FEZ1: variants seen among roughly 807,000 people sequenced by gnomAD.
The protein encoded by FEZ1 is fasciculation and elongation protein zeta 1, also known as fasciculation and elongation protein zeta-1.
Under a neutral mutation model 49.3 loss-of-function variants are expected in FEZ1, and 20 were observed. That is an observed-to-expected ratio of 0.41 (90% confidence interval 0.29 to 0.59). The LOEUF (loss-of-function observed/expected upper bound fraction) is 0.59. Among genes scored for constraint, FEZ1 ranks in the 20% least tolerant of loss-of-function variants. The pLI, the probability that FEZ1 is intolerant of heterozygous loss-of-function variation, is 0.36. For synonymous variants in FEZ1, 170 were observed against 180.9 expected (o/e 0.94, Z 0.48); for missense variants, 413 against 476.0 (o/e 0.87, Z 1.23).
rs1245555741 is a variant in FEZ1, at chr11:125,457,470, A to ATATATG, written c.668-1365_668-1364insCATATA. Among the ~76,000 whole-genome samples, 8 of 20,900 alleles carry ATATATG rather than the reference A, an allele frequency of 3.8e-4. No homozygotes were observed. The East Asian group carries it at 8.2e-3, about 21-fold the overall frequency. The allele number at this position is 20,900 out of a possible 152,430, so 13.7% of individuals were successfully genotyped here. A position where few individuals can be genotyped will look rare whatever the true frequency, so the allele number is the denominator to read the frequency against. ...TATATATGTATATATACACATATAT[A>ATATATG]TGTATATATACACATATATGTGTAT... On this transcript the variant is annotated intron_variant, in intron 5 of 9. Coordinates refer to ENST00000278919, the MANE Select transcript of FEZ1 (RefSeq NM_005103.5).
At chr11:125,493,378 G>GAAAGAGAGA (rs1279562906) in intron 1 of FEZ1, among the ~76,000 whole-genome samples, 1 of 38,834 alleles carries the variant, frequency 2.6e-5, no homozygotes, top group East Asian at 6.4e-4. Flanking sequence ...AAGAAAGAAA[G>GAAAGAGAGA]AAAGAAAGAA....
rs1334401823 is a variant in FEZ1, at chr11:125,467,579, G to C, written c.412-4009C>G. Among the ~76,000 whole-genome samples the C allele has an allele frequency of 4.6e-4, 70 of 152,226 alleles. 1 individual carries two copies. Among genetic ancestry groups the C allele is most frequent in the Admixed American group, 4.6e-3 (70 of 15,280 alleles). On this transcript the variant is annotated intron_variant, in intron 3 of 9. Transcript: ENST00000278919. The stretch of plus-strand genomic sequence containing the variant: ...AAAAGAGGAAGATGTGACTGGGCAT[G>C]GTGTCTCATGCCTGTAATTCCAGCA...
At chr11:125,493,840 G>T (rs191634487) in intron 1 of FEZ1, among the ~76,000 whole-genome samples, 2 of 152,214 alleles carry the variant, frequency 1.3e-5, no homozygotes, top group South Asian at 4.1e-4. Context: ...GGTGACACCA[G>T]TGGGGTTTCT....
In FEZ1 at chr11:125,467,382, C is replaced by T. The variant is rs1050579046; in HGVS notation, c.412-3812G>A. Among the ~76,000 whole-genome samples, 7 of 152,286 alleles carry T rather than the reference C, an allele frequency of 4.6e-5. No homozygotes were observed. The East Asian group carries it at 7.7e-4, about 17-fold the overall frequency. Reference sequence around the variant, plus strand: ...CTTATGAACAACCAGGAAACATCTGCGTGGATTAAGTCAATGGCTGTGCAT... The same window carrying T: ...CTTATGAACAACCAGGAAACATCTGTGTGGATTAAGTCAATGGCTGTGCAT... On this transcript the variant is annotated intron_variant, in intron 3 of 9. Transcript: ENST00000278919.
chr11:125,457,502 A>ATATATACACATATATATGTG (rs1555178545), intron 5 of FEZ1, among the ~76,000 whole-genome samples: 1 of 109,792 alleles, frequency 9.1e-6, no homozygotes, highest in Non-Finnish European at 1.8e-5. Flanking sequence ...GTATATATGT[A>ATATATACACATATATATGTG]TATATATACA....
Position 125,449,441 on chromosome 11 carries a change from A to AAAAAAAAAAAAAAAG in FEZ1, c.1097-875_1097-874insCTTTTTTTTTTTTTT, listed in dbSNP as rs796507357. On this transcript the variant is annotated intron_variant, in intron 8 of 9. Coordinates refer to ENST00000278919, the MANE Select transcript of FEZ1 (RefSeq NM_005103.5). ...ATAAAAAAAAAAAAAAAAAAAAAAA[A>AAAAAAAAAAAAAAAG]AAGAAGAAGAGGAAGAAAAGAAAAA... Among the ~76,000 whole-genome samples the AAAAAAAAAAAAAAAG allele has an allele frequency of 1.4e-4, 18 of 128,238 alleles. 2 individuals carry two copies. Among genetic ancestry groups the AAAAAAAAAAAAAAAG allele is most frequent in the East Asian group, 8.5e-4 (3 of 3,518 alleles). 84.1% of individuals were successfully genotyped at this position (128,238 alleles called of 152,430 possible). A position where few individuals can be genotyped will look rare whatever the true frequency, so the allele number is the denominator to read the frequency against.
intron 3 of FEZ1, among the ~76,000 whole-genome samples, chr11:125,464,424 G>T (rs768220124): frequency 6.6e-6 from 1 of 152,026 alleles, no homozygotes; most frequent in Non-Finnish European, 1.5e-5. Flanking sequence ...TGATTTGAAC[G>T]TCATACAAGG....
At chr11:125,476,831 T>C (rs997970610) in intron 3 of FEZ1, among the ~76,000 whole-genome samples, 113 of 152,352 alleles carry the variant, frequency 7.4e-4, no homozygotes, top group African/African-American at 2.5e-3. Flanking sequence ...TACTCCTTTC[T>C]CAAAAATATG....
rs1239007387 is a variant in FEZ1, at chr11:125,495,608, G to C, written c.-46+513C>G. On this transcript the variant is annotated intron_variant, in intron 1 of 9. Transcript: ENST00000278919. This position sits in a 1 kb window ranked among gnomAD's most constrained non-coding sequence, Gnocchi z 4.2. ...GCACTCTGGGGAGGGGCACGAGCGGGGTCGGGGGTAAGTTTTTAGGGACAA... is the reference window on the plus strand; with the variant it reads ...GCACTCTGGGGAGGGGCACGAGCGGCGTCGGGGGTAAGTTTTTAGGGACAA... 1 of 466,446 alleles carries C rather than the reference G, an allele frequency of 2.1e-6. No individual in the cohort carries two copies. Among genetic ancestry groups the C allele is most frequent in the Admixed American group, 2.4e-5 (1 of 41,796 alleles). The allele number at this position is 466,446 out of a possible 1,614,324, so 28.9% of individuals were successfully genotyped here.
rs750078721 is a variant in FEZ1, at chr11:125,489,471, C to T, written c.307G>A (p.Glu103Lys). 21 of 1,610,196 alleles carry T rather than the reference C, an allele frequency of 1.3e-5. No individual in the cohort carries two copies. Among genetic ancestry groups the T allele is most frequent in the Admixed American group, 3.4e-5 (2 of 59,252 alleles). Residue 103 changes from glutamate (E) to lysine (K), a missense_variant, in exon 2 of 10, where the codon GAG becomes AAG. By Grantham distance (56) the Glu-to-Lys change is moderately conservative. Transcript: ENST00000278919. This position sits in a 1 kb window ranked among gnomAD's most constrained non-coding sequence, Gnocchi z 4.2. ...AGGGCAATTAAGACTTCTTACTCCT[C>T]GTCCTGAAGGGTCTCCTCCTCCTCT... is the stretch of plus-strand genomic sequence containing the variant. ...IQEEEETLQDEEVWDALTDNY... is the reference protein window; with the variant it reads ...IQEEEETLQDKEVWDALTDNY...
At position 125,444,792 on chromosome 11, in the gene FEZ1, C is replaced by T. The variant is rs1440266248; in HGVS notation, c.*1303G>A. Reference sequence around the variant, plus strand: ...AAGAAACCTAAATGCCAGCCTGACTCTACCACTTCCTACACAGCCTTGGGC... The same window carrying T: ...AAGAAACCTAAATGCCAGCCTGACTTTACCACTTCCTACACAGCCTTGGGC... On this transcript the variant is annotated 3_prime_UTR_variant, in exon 10 of 10. Coordinates refer to ENST00000278919, the MANE Select transcript of FEZ1 (RefSeq NM_005103.5). Among the ~76,000 whole-genome samples, 2 of 152,192 alleles carry T rather than the reference C, an allele frequency of 1.3e-5. No individual in the cohort carries two copies. Among genetic ancestry groups the T allele is most frequent in the Admixed American group, 1.3e-4 (2 of 15,280 alleles).
chr11:125,474,330 G>T (rs751893981), intron 3 of FEZ1, among the ~76,000 whole-genome samples: 1 of 149,804 alleles, frequency 6.7e-6, no homozygotes, highest in African/African-American at 2.5e-5. Flanking sequence ...GAGCTACCAC[G>T]CCCGGCCTAA....
At position 125,460,616 on chromosome 11, in the gene FEZ1, T is replaced by C. The variant is rs746348379; in HGVS notation, c.549A>G (p.Glu183=). The change falls in exon 5 of 10, where the codon GAA becomes GAG. Residue 183 remains glutamate (E), a synonymous_variant. Coordinates refer to ENST00000278919, the MANE Select transcript of FEZ1 (RefSeq NM_005103.5). ...EMMQNSPDPE[E]EEEVLEEEDG... ...CCTCTTCTTCCAGAACCTCCTCTTC[T>C]TCCTCAGGGTCTGGGGAGTTCTGCA... The C allele has an allele frequency of 2.5e-6, 4 of 1,613,950 alleles. No homozygotes were observed. The highest frequency in any genetic ancestry group is 3.4e-6 in the Non-Finnish European group (4 of 1,179,950).
chr11:125,463,657 T>TGGGA lies in FEZ1; in HGVS notation c.412-91_412-88dup, dbSNP rs567493305. The TGGGA allele has an allele frequency of 5.0e-4, 400 of 798,112 alleles. 5 individuals are homozygous for TGGGA. The African/African-American group carries it at 5.0e-3, about 10-fold the overall frequency. 49.4% of individuals were successfully genotyped at this position (798,112 alleles called of 1,614,324 possible). ...AGTCTCGAGAATGGATGATACTGACTGGGAGGCCACTCCAGCCAGCTGCTG... is the reference window on the plus strand; with the variant it reads ...AGTCTCGAGAATGGATGATACTGACTGGGAGGGAGGCCACTCCAGCCAGCTGCTG... On this transcript the variant is annotated intron_variant, in intron 3 of 9. Coordinates refer to ENST00000278919, the MANE Select transcript of FEZ1 (RefSeq NM_005103.5).
At chr11:125,449,887 G>A (rs562154105) in intron 8 of FEZ1, among the ~76,000 whole-genome samples, 7 of 152,306 alleles carry the variant, frequency 4.6e-5, no homozygotes, top group African/African-American at 1.4e-4. Context: ...ATGGTGGCGT[G>A]AGTCAGCAGC....
At chr11:125,478,713 G>A (rs1957254350) in intron 3 of FEZ1, among the ~76,000 whole-genome samples, 1 of 152,120 alleles carries the variant, frequency 6.6e-6, no homozygotes, top group Admixed American at 6.5e-5. Context: ...TTTTCCCATG[G>A]GTTAGATAGA....
At chr11:125,447,653 C>A (rs180953263) in intron 9 of FEZ1, among the ~76,000 whole-genome samples, 93 of 152,160 alleles carry the variant, frequency 6.1e-4, no homozygotes, top group African/African-American at 2.1e-3. Flanking sequence ...GAAACCCCGT[C>A]TCTACTAAAA....
chr11:125,468,338 T>C (rs1028260803), intron 3 of FEZ1, among the ~76,000 whole-genome samples: 1 of 152,160 alleles, frequency 6.6e-6, no homozygotes, highest in East Asian at 1.9e-4. Context: ...CCACCACTCA[T>C]GGCAAACTTT....
At chr11:125,479,389 C>T (rs1211062008) in intron 3 of FEZ1, among the ~76,000 whole-genome samples, 2 of 152,350 alleles carry the variant, frequency 1.3e-5, no homozygotes, top group Non-Finnish European at 2.9e-5. Flanking sequence ...AACTCTATCA[C>T]TTGCTGAGCC....
Sources: gnomAD v4.1 joint callset for allele counts (sites outside exome capture counted in the v4.1 genomes callset) on GRCh38, gnomAD v4.1.1 for gene constraint, Gnocchi (gnomAD v3.1) non-coding constraint, MANE v1.5 for transcripts, NCBI Gene and HGNC (gene_info 2026-07-23, HGNC 2026-07-21) for gene names.